Variants in CDC25C observed in about 807,000 individuals in gnomAD.
CDC25C encodes the protein M-phase inducer phosphatase 3.
CDC25C carries 48 observed loss-of-function variants against 52.5 expected under a neutral mutation model. That is an observed-to-expected ratio of 0.91 (90% CI 0.72 to 1.16). The LOEUF (loss-of-function observed/expected upper bound fraction) is 1.16, where lower values mean the gene tolerates loss of function less well. Ranked by LOEUF, CDC25C falls within the 50% of genes most tolerant of loss-of-function variation. The pLI, the probability that CDC25C is intolerant of heterozygous loss-of-function variation, is 0.00. For synonymous variants in CDC25C, 187 were observed against 206.5 expected (o/e 0.91, Z 0.81); for missense variants, 510 against 566.1 (o/e 0.90, Z 1.01).
At chr5:138,312,842 T>C (rs763884543) in intron 7 of CDC25C, among the ~76,000 whole-genome samples, 1 of 152,120 alleles carries the variant, frequency 6.6e-6, no homozygotes, top group African/African-American at 2.4e-5. Context: ...GTTATGTGCA[T>C]TTTACAATTT....
At chr5:138,319,114 T>G (rs1235518997) in intron 7 of CDC25C, 105 bp downstream of exon 7, 1 of 996,166 alleles carries the variant, frequency 1.0e-6, no homozygotes, top group East Asian at 2.4e-5. Flanking sequence ...TCACTAGTTA[T>G]TTTTTTGCTC....
chr5:138,289,566 A>G lies in CDC25C; in HGVS notation c.865-3T>C. On this transcript the variant is annotated splice_polypyrimidine_tract_variant and splice_region_variant and intron_variant, in intron 9 of 13. Coordinates refer to ENST00000323760, the MANE Select transcript of CDC25C (RefSeq NM_001790.5). The stretch of plus-strand genomic sequence containing the variant: ...GACACGGTTGGCAGCGCACATACCT[A>G]GAAATACACAAGAGCTGAAATAACA... 1 of 1,611,652 alleles carries G rather than the reference A, an allele frequency of 6.2e-7. No homozygotes were observed. The highest frequency in any genetic ancestry group is 8.5e-7 in the Non-Finnish European group (1 of 1,177,700).
intron 6 of CDC25C, among the ~76,000 whole-genome samples, chr5:138,321,016 G>A (rs1486422593): frequency 1.3e-5 from 2 of 149,562 alleles, no homozygotes; most frequent in African/African-American, 2.5e-5. Context: ...AATAATCAGA[G>A]CCCGGGAGTT....
upstream of CDC25C, among the ~76,000 whole-genome samples, chr5:138,332,672 C>G (rs187976549): frequency 2.6e-5 from 4 of 152,012 alleles, no homozygotes; most frequent in Admixed American, 2.0e-4. Context: ...TCAAAACCAG[C>G]CTGGCCAACA....
chr5:138,285,976 G>A, intron 13 of CDC25C, 46 bp downstream of exon 13: 1 of 1,546,012 alleles, frequency 6.5e-7, no homozygotes, highest in African/African-American at 1.4e-5. Flanking sequence ...CAGGCCCTGG[G>A]AGTTGAGTTG....
At chr5:138,308,587 T>C (rs2126742757) in intron 7 of CDC25C, among the ~76,000 whole-genome samples, 1 of 152,272 alleles carries the variant, frequency 6.6e-6, no homozygotes, top group Middle Eastern at 3.4e-3. Flanking sequence ...CTCACTGTTT[T>C]TCTATAGATC....
At chr5:138,310,295 T>C (rs1758346060) in intron 7 of CDC25C, among the ~76,000 whole-genome samples, 1 of 152,194 alleles carries the variant, frequency 6.6e-6, no homozygotes, top group African/African-American at 2.4e-5. Flanking sequence ...ACAAGTGCCA[T>C]GCATGTCTAC....
upstream of CDC25C, among the ~76,000 whole-genome samples, chr5:138,336,004 T>C (rs898287769): frequency 2.0e-5 from 3 of 152,144 alleles, no homozygotes; most frequent in African/African-American, 7.2e-5. Context: ...TCTTGGGCTG[T>C]TTCATTTGTC....
chr5:138,336,992 C>T (rs148362834), intron 1 of CDC25C: 1 of 152,282 alleles, frequency 6.6e-6, no homozygotes, highest in East Asian at 1.9e-4. Flanking sequence ...TTGAGTAAGG[C>T]ACAAAATATT....
rs1207864831 is a variant in CDC25C, at chr5:138,292,130, T to A, written c.616-14A>T. ...ACTTCTGCTCACCTGTTTGGGAATATTAAACCCCCTAGTTCTTACTCCTCC... is the reference window on the plus strand; with the variant it reads ...ACTTCTGCTCACCTGTTTGGGAATAATAAACCCCCTAGTTCTTACTCCTCC... On this transcript the variant is annotated splice_polypyrimidine_tract_variant and intron_variant, in intron 7 of 13. Transcript: ENST00000323760. 6.8e-6 allele frequency: 11 copies of A among 1,607,722 alleles called. No individual in the cohort carries two copies. The East Asian group carries it at 2.2e-4, about 33-fold the overall frequency.
intron 7 of CDC25C, among the ~76,000 whole-genome samples, chr5:138,295,620 G>GA (rs796089381): frequency 0.018 from 1,662 of 93,210 alleles, 12 homozygotes; most frequent in Non-Finnish European, 0.024. Context: ...CTTCTCTTAA[G>GA]AAAAAAAAAA....
chr5:138,327,858 CTG>C (rs963926408), intron 4 of CDC25C, among the ~76,000 whole-genome samples: 1 of 151,608 alleles, frequency 6.6e-6, no homozygotes, highest in Non-Finnish European at 1.5e-5. Context: ...AGCTTATACT[CTG>C]TACTTTCTTT....
At chr5:138,316,791 C>T (rs927635147) in intron 7 of CDC25C, among the ~76,000 whole-genome samples, 6 of 152,082 alleles carry the variant, frequency 3.9e-5, no homozygotes, top group African/African-American at 1.4e-4. Context: ...CACTCCAGGG[C>T]CTCCTCTCTG....
rs71574413 is a variant in CDC25C, at chr5:138,329,726, C to CTTTT, written c.195-83_195-80dup. On this transcript the variant is annotated intron_variant, in intron 2 of 13. Coordinates refer to ENST00000323760, the MANE Select transcript of CDC25C (RefSeq NM_001790.5). ...AAGTCAAAGATCATGTCATCCTCTT[C>CTTTT]TTTTTTTTTTTTTTTTTTTTTTGCA... 3.7e-3 allele frequency: 1,080 copies of CTTTT among 293,244 alleles called. 3 individuals are homozygous for CTTTT. Among genetic ancestry groups the CTTTT allele is most frequent in the African/African-American group, 9.2e-3 (254 of 27,586 alleles). The allele number at this position is 293,244 out of a possible 1,614,324, so 18.2% of individuals were successfully genotyped here.
intron 7 of CDC25C, among the ~76,000 whole-genome samples, chr5:138,295,514 G>A (rs1434935878): frequency 6.6e-6 from 1 of 151,992 alleles, no homozygotes; most frequent in Non-Finnish European, 1.5e-5. Flanking sequence ...TTGGGAGGCT[G>A]AAGTGGAAGG....
At chr5:138,325,980 T>C in intron 5 of CDC25C, 41 bp downstream of exon 5, 1 of 1,613,560 alleles carries the variant, frequency 6.2e-7, no homozygotes, top group Non-Finnish European at 8.5e-7. Flanking sequence ...GCCTCCCACC[T>C]GAAAAGCAAA....
At chr5:138,327,888 A>G (rs539003705) in intron 4 of CDC25C, among the ~76,000 whole-genome samples, 162 of 149,648 alleles carry the variant, frequency 1.1e-3, no homozygotes, top group African/African-American at 3.9e-3. Flanking sequence ...TTTTTCTGAG[A>G]CGGAGTCTCG....
rs1462163268 is a variant in CDC25C at position 138,330,854 on chromosome 5, T to TAC, written c.194+131_194+132dup. The TAC allele has an allele frequency of 3.1e-5, 20 of 649,574 alleles. No individual in the cohort carries two copies. The African/African-American group carries it at 3.1e-4, about 10-fold the overall frequency. The allele number at this position is 649,574 out of a possible 1,614,324, so 40.2% of individuals were successfully genotyped here. A position where few individuals can be genotyped will look rare whatever the true frequency, so the allele number is the denominator to read the frequency against. ...AAAAGAAGGTGAGACTCAAAAGGGTTACACAGTCAAGGGCAGAGTTGAGAC... is the reference window on the plus strand; with the variant it reads ...AAAAGAAGGTGAGACTCAAAAGGGTTACACACAGTCAAGGGCAGAGTTGAGAC... On this transcript the variant is annotated intron_variant, in intron 2 of 13. Transcript: ENST00000323760.
intron 7 of CDC25C, among the ~76,000 whole-genome samples, chr5:138,318,314 A>AAAAT (rs753698373): frequency 4.6e-5 from 7 of 152,122 alleles, no homozygotes; most frequent in East Asian, 1.9e-4. Flanking sequence ...CTCCATCTCA[A>AAAAT]AAATAAATAA....
Sources: gnomAD v4.1 joint callset for allele counts (sites outside exome capture counted in the v4.1 genomes callset) on GRCh38, gnomAD v4.1.1 for gene constraint, MANE v1.5 for transcripts, NCBI Gene and HGNC (gene_info 2026-07-23, HGNC 2026-07-21) for gene names.